The following ANAPC4 variants were observed in gnomAD, a reference collection of about 807,000 sequenced individuals.
ANAPC4 encodes the protein anaphase promoting complex subunit 4.
ANAPC4 carries 63 observed loss-of-function variants against 119.8 expected under a neutral mutation model. The observed-to-expected ratio is 0.53, with a 90% CI of 0.43 to 0.65. The LOEUF is 0.65. ANAPC4 is among the 30% of genes least tolerant of loss of function. The pLI, the probability that ANAPC4 is intolerant of heterozygous loss-of-function variation, is 0.00. For synonymous variants in ANAPC4, 283 were observed against 318.6 expected, an observed-to-expected ratio of 0.89 and a Z score of 1.19; for missense variants, 716 against 945.1, an observed-to-expected ratio of 0.76 and a Z score of 3.18.
chr4:25,377,360 G>T lies in ANAPC4; in HGVS notation c.-11+16G>T. ...ACTCTTGCAGGTACAGGCGCGGTCG[G>T]GGCTCCTCGTGGAGAGCCGGGGGCT... On this transcript the variant is annotated intron_variant, in intron 1 of 28. Transcript: ENST00000315368. 6.3e-7 allele frequency: 1 copy of T among 1,592,494 alleles called. No individual in the cohort carries two copies. The highest frequency in any genetic ancestry group is 8.5e-7 in the Non-Finnish European group (1 of 1,169,592).
At chr4:25,416,309 C>T (rs41267455) in intron 26 of ANAPC4, 116 bp from the exon 27 acceptor site, 18,334 of 539,806 alleles carry the variant, frequency 0.034, 423 homozygotes, top group Non-Finnish European at 0.041. Flanking sequence ...TGTTATTGTA[C>T]AGAATGTCAC....
intron 2 of ANAPC4, 62 bp downstream of exon 2, chr4:25,377,618 G>A: frequency 6.7e-7 from 1 of 1,498,616 alleles, no homozygotes; most frequent in South Asian, 1.3e-5. Context: ...CAAGAACACC[G>A]AGCCCGAGCC....
At position 25,405,719 on chromosome 4, in the gene ANAPC4, G is replaced by A; in HGVS notation, c.1317+100G>A. ...CTCTTATTCAGTTATTAGTTAACAGGATGTCAGGATGTAGACGTTAGATCC... is the reference window on the plus strand; with the variant it reads ...CTCTTATTCAGTTATTAGTTAACAGAATGTCAGGATGTAGACGTTAGATCC... On this transcript the variant is annotated intron_variant, in intron 18 of 28. Transcript: ENST00000315368. The surrounding 1 kb of genome is among the most constrained non-coding windows in gnomAD (Gnocchi z 4.6). 2 of 1,136,450 alleles carry A rather than the reference G, an allele frequency of 1.8e-6. No individual in the cohort carries two copies. Among genetic ancestry groups the A allele is most frequent in the Non-Finnish European group, 2.6e-6 (2 of 769,286 alleles). The allele number at this position is 1,136,450 out of a possible 1,614,324, so 70.4% of individuals were successfully genotyped here. A position where few individuals can be genotyped will look rare whatever the true frequency, so the allele number is the denominator to read the frequency against.
At chr4:25,394,162 T>C in intron 11 of ANAPC4, 148 bp from the exon 12 acceptor site, 1 of 721,828 alleles carries the variant, frequency 1.4e-6, no homozygotes, top group Non-Finnish European at 2.3e-6. Flanking sequence ...ATTGGCTATC[T>C]TCTAGTCACT....
chr4:25,384,277 A>G (rs866896436), intron 4 of ANAPC4, among the ~76,000 whole-genome samples: 6 of 152,164 alleles, frequency 3.9e-5, no homozygotes, highest in South Asian at 2.1e-4. Flanking sequence ...TTCTCTTGCT[A>G]TTTCCACCAG....
chr4:25,380,968 T>A (rs1455820989), intron 3 of ANAPC4, among the ~76,000 whole-genome samples: 1 of 152,342 alleles, frequency 6.6e-6, no homozygotes, highest in Middle Eastern at 3.4e-3. Context: ...CTGTGTGTGA[T>A]CTTTCTTCTG....
chr4:25,409,836 T>G, intron 21 of ANAPC4, 45 bp downstream of exon 21: 1 of 1,377,004 alleles, frequency 7.3e-7, no homozygotes, highest in Non-Finnish European at 1.0e-6. Flanking sequence ...TGTTTTTATT[T>G]AAGACTAGGT....
rs1238332463 is a variant in ANAPC4, at chr4:25,379,601, G to A, written c.130-773G>A. On this transcript the variant is annotated intron_variant, in intron 2 of 28. Transcript: ENST00000315368. ...AGAGGCACATTTCAGAGAAAAGTACGAAGATATTAATTTCATGATGACACC... is the reference window on the plus strand; with the variant it reads ...AGAGGCACATTTCAGAGAAAAGTACAAAGATATTAATTTCATGATGACACC... Among the ~76,000 whole-genome samples the A allele has an allele frequency of 3.9e-5, 6 of 152,154 alleles. No individual in the cohort carries two copies. In the South Asian group the frequency reaches 8.3e-4, roughly 21 times the overall value.
chr4:25,414,818 A>T (rs1254707948), intron 25 of ANAPC4, 118 bp downstream of exon 25: 1 of 956,314 alleles, frequency 1.0e-6, no homozygotes, highest in African/African-American at 1.7e-5. Context: ...TAGATGTGTC[A>T]TTTAATTGTT....
At chr4:25,394,249 A>G (rs1023673485) in intron 11 of ANAPC4, 61 bp from the exon 12 acceptor site, 6 of 1,366,866 alleles carry the variant, frequency 4.4e-6, no homozygotes, top group Non-Finnish European at 5.0e-6. Context: ...ATAATTTTGA[A>G]TAAATATGCT....
intron 4 of ANAPC4, among the ~76,000 whole-genome samples, chr4:25,387,850 T>A (rs1308642803): frequency 6.6e-6 from 1 of 152,084 alleles, no homozygotes; most frequent in African/African-American, 2.4e-5. Context: ...CTAAATCACA[T>A]AGTAGGCCAT....
intron 3 of ANAPC4, among the ~76,000 whole-genome samples, chr4:25,381,567 C>G (rs900428373): frequency 1.3e-5 from 2 of 152,152 alleles, no homozygotes; most frequent in African/African-American, 4.8e-5. Flanking sequence ...CTACCTTGGC[C>G]TACTACAGTG....
At chr4:25,394,241 A>C (rs1470745681) in intron 11 of ANAPC4, 69 bp from the exon 12 acceptor site, 9 of 1,283,268 alleles carry the variant, frequency 7.0e-6, no homozygotes, top group Non-Finnish European at 8.6e-6. Context: ...ATGCTCCTAT[A>C]ATTTTGAATA....
chr4:25,417,051 C>G (rs1266928392), intron 27 of ANAPC4: 1 of 153,082 alleles, frequency 6.5e-6, no homozygotes, highest in Non-Finnish European at 1.5e-5. Context: ...AAAAATGTAT[C>G]CATTTGCTTT....
chr4:25,417,785 A>G, intron 28 of ANAPC4, 46 bp downstream of exon 28: 8 of 1,569,114 alleles, frequency 5.1e-6, no homozygotes, highest in Non-Finnish European at 6.9e-6. Context: ...TACAAGAAGT[A>G]ACGTTGCTTC....
chr4:25,408,467 A>G (rs1015843597), intron 20 of ANAPC4, among the ~76,000 whole-genome samples: 2 of 151,782 alleles, frequency 1.3e-5, no homozygotes, highest in African/African-American at 4.8e-5. Flanking sequence ...AGCACCACCA[A>G]TTTAATCAGA....
chr4:25,378,071 C>T (rs1459783811), intron 2 of ANAPC4, among the ~76,000 whole-genome samples: 1 of 152,194 alleles, frequency 6.6e-6, no homozygotes, highest in African/African-American at 2.4e-5. Context: ...TTTTATAGTA[C>T]GGGTTGGATA....
intron 7 of ANAPC4, among the ~76,000 whole-genome samples, chr4:25,389,158 A>AG (rs1560432726): frequency 1.7e-4 from 20 of 117,302 alleles, no homozygotes; most frequent in Admixed American, 1.8e-4. Flanking sequence ...ACACCCAGCT[A>AG]ATTTTTTTTT....
chr4:25,408,523 CAA>C (rs753508822), intron 20 of ANAPC4, among the ~76,000 whole-genome samples: 88 of 93,536 alleles, frequency 9.4e-4, no homozygotes, highest in Non-Finnish European at 1.4e-3. Flanking sequence ...GCAGGTTTTC[CAA>C]AAAAAAAAAA....
Sources: gnomAD v4.1 joint callset for allele counts (sites outside exome capture counted in the v4.1 genomes callset) on GRCh38, gnomAD v4.1.1 for gene constraint, Gnocchi (gnomAD v3.1) non-coding constraint, MANE v1.5 for transcripts, NCBI Gene and HGNC (gene_info 2026-07-23, HGNC 2026-07-21) for gene names.